Variants in SPART observed in about 807,000 individuals in gnomAD.
SPART encodes spartin, also known as spastic paraplegia 20 (Troyer syndrome).
Under a neutral mutation model 58.7 loss-of-function variants are expected in SPART, and 35 were observed. That is an observed-to-expected ratio of 0.60 (90% CI 0.46 to 0.79). The LOEUF is 0.79. SPART is among the 30% of genes least tolerant of loss of function. The pLI is 0.00. For synonymous variants in SPART, 284 were observed against 280.7 expected, an observed-to-expected ratio of 1.01 and a Z score of -0.12; for missense variants, 730 against 786.1, an observed-to-expected ratio of 0.93 and a Z score of 0.85.
chr13:36,322,908 T>A (rs1355381205), intron 5 of SPART, among the ~76,000 whole-genome samples: 1 of 152,196 alleles, frequency 6.6e-6, no homozygotes, highest in African/African-American at 2.4e-5. Context: ...ACTAGGCCAA[T>A]GGAGTCCCAG....
intron 3 of SPART, 62 bp from the exon 4 acceptor site, chr13:36,329,579 G>C (rs142213331): frequency 5.3e-6 from 8 of 1,497,862 alleles, no homozygotes; most frequent in Middle Eastern, 3.5e-4. Context: ...CTTTCTGCCA[G>C]CTATATTACA....
chr13:36,364,902 A>G (rs7333919), intron 1 of SPART, among the ~76,000 whole-genome samples: 124,854 of 152,092 alleles, frequency 0.82, 51,450 homozygotes, highest in African/African-American at 0.9. Flanking sequence ...CCCTTCATCC[A>G]TTCTCCACAC....
At chr13:36,324,601 T>C (rs942408893) in intron 5 of SPART, among the ~76,000 whole-genome samples, 2 of 152,152 alleles carry the variant, frequency 1.3e-5, no homozygotes, top group African/African-American at 4.8e-5. Context: ...CAGAAACAAA[T>C]GTTTGTTGTT....
intron 5 of SPART, chr13:36,326,026 T>C (rs887314301): frequency 6.5e-6 from 1 of 153,236 alleles, no homozygotes; most frequent in Non-Finnish European, 1.5e-5. Context: ...TCCTGGTTCA[T>C]AGAATGACAC....
chr13:36,315,526 T>C (rs1881602889), intron 5 of SPART, among the ~76,000 whole-genome samples: 1 of 152,190 alleles, frequency 6.6e-6, no homozygotes, highest in Non-Finnish European at 1.5e-5. Flanking sequence ...ATGTTAACAA[T>C]GAAAAGTGAC....
intron 5 of SPART, among the ~76,000 whole-genome samples, chr13:36,318,684 C>G (rs967682459): frequency 6.6e-6 from 1 of 152,214 alleles, no homozygotes; most frequent in African/African-American, 2.4e-5. Flanking sequence ...GCCAGGCGTT[C>G]CTCCAGAACC....
intron 8 of SPART, among the ~76,000 whole-genome samples, chr13:36,309,340 C>T (rs544824605): frequency 6.6e-6 from 1 of 151,876 alleles, no homozygotes; most frequent in Non-Finnish European, 1.5e-5. Flanking sequence ...CTAGTTCAGC[C>T]ACTTTTGGGA....
Position 36,341,306 on chromosome 13 carries a change from T to C in SPART, c.-3+4919A>G, listed in dbSNP as rs1250407933. 2.6e-5 allele frequency among the ~76,000 whole-genome samples: 4 copies of C among 152,360 alleles called. No homozygotes were observed. The South Asian group carries it at 8.3e-4, about 32-fold the overall frequency. On this transcript the variant is annotated intron_variant, in intron 1 of 8. Transcript: ENST00000438666. ...GCCACATATGTAATTTATACTTTTC[T>C]AATAACATTAAAAAGGTAAAAAACA...
rs745516122 is a variant in SPART, at chr13:36,335,276, TAC to T, written c.553_554del (p.Val185IlefsTer18). ...ACTCCCCAGAATCTGTTCCATAGGATACAGTGTAGTGACCTTCAGCAGCTTGA... is the reference window on the plus strand; with the variant it reads ...ACTCCCCAGAATCTGTTCCATAGGATAGTGTAGTGACCTTCAGCAGCTTGA... ...TPQAAEGHYT[V>X]SYGTDSGEFS... On this transcript the variant is annotated frameshift_variant, in exon 2 of 9. Transcript: ENST00000438666. LOFTEE classifies it high-confidence loss of function. 7 of 1,614,144 alleles carry T rather than the reference TAC, an allele frequency of 4.3e-6. No homozygotes were observed. The highest frequency in any genetic ancestry group is 5.1e-6 in the Non-Finnish European group (6 of 1,180,018).
At chr13:36,328,559 A>C (rs1234471242) in intron 4 of SPART, among the ~76,000 whole-genome samples, 1 of 152,324 alleles carries the variant, frequency 6.6e-6, no homozygotes, top group South Asian at 2.1e-4. Flanking sequence ...GCCACATTGG[A>C]TAGAAATGAT....
chr13:36,314,613 C>A lies in SPART; in HGVS notation c.1289-192G>T, dbSNP rs73169232. Among the ~76,000 whole-genome samples, 407 of 152,254 alleles carry A rather than the reference C, an allele frequency of 2.7e-3. 3 individuals are homozygous for A. The highest frequency in any genetic ancestry group is 9.3e-3 in the African/African-American group (385 of 41,534). ...CTGAATACTTAGTGACACAGTTCTG[C>A]GTTACTCTATGCTGCCACTACCTAG... On this transcript the variant is annotated intron_variant, in intron 5 of 8. Transcript: ENST00000438666.
chr13:36,312,916 C>T (rs1379597559), intron 6 of SPART, among the ~76,000 whole-genome samples: 1 of 151,022 alleles, frequency 6.6e-6, no homozygotes, highest in African/African-American at 2.4e-5. Context: ...CTTATTCCAG[C>T]TTAGCGTATT....
intron 5 of SPART, among the ~76,000 whole-genome samples, chr13:36,318,870 T>C (rs1367306488): frequency 6.6e-6 from 1 of 152,036 alleles, no homozygotes; most frequent in African/African-American, 2.4e-5. Context: ...GGCCCAAGGC[T>C]CTCTGACTGA....
intron 1 of SPART, among the ~76,000 whole-genome samples, chr13:36,367,895 C>T (rs576389906): frequency 6.6e-6 from 1 of 152,274 alleles, no homozygotes; most frequent in Non-Finnish European, 1.5e-5. Context: ...TTTTCCTAAG[C>T]TTTTAAAAAA....
At chr13:36,327,022 A>G (rs1411180032) in intron 4 of SPART, among the ~76,000 whole-genome samples, 1 of 152,162 alleles carries the variant, frequency 6.6e-6, no homozygotes, top group Admixed American at 6.5e-5. Context: ...TCATCCCTAG[A>G]TATTAGTGTG....
At chr13:36,336,124 TATA>T (rs1883984983) in intron 1 of SPART, among the ~76,000 whole-genome samples, 1 of 152,236 alleles carries the variant, frequency 6.6e-6, no homozygotes, top group Admixed American at 6.5e-5. Flanking sequence ...TCTGGTTTCT[TATA>T]ATAGTTTCCT....
In SPART at chr13:36,319,449, T is replaced by C. The variant is rs368277450; in HGVS notation, c.1289-5028A>G. ...AACGCCAATATCCCATCCCGCAGCA[T>C]GCTTTAAAAAGATTAAAGCCTGTTA... is the stretch of plus-strand genomic sequence containing the variant. On this transcript the variant is annotated intron_variant, in intron 5 of 8. Transcript: ENST00000438666. Among the ~76,000 whole-genome samples, 1,335 of 150,570 alleles carry C rather than the reference T, an allele frequency of 8.9e-3. 18 individuals carry two copies. Among genetic ancestry groups the C allele is most frequent in the African/African-American group, 0.03 (1,224 of 40,242 alleles).
intron 4 of SPART, among the ~76,000 whole-genome samples, chr13:36,328,260 C>T (rs1364402938): frequency 1.3e-5 from 2 of 152,120 alleles, no homozygotes; most frequent in Non-Finnish European, 2.9e-5. Context: ...ACGTGATATT[C>T]ATCAATTCCA....
At chr13:36,361,836 A>G (rs1270926940) in intron 1 of SPART, among the ~76,000 whole-genome samples, 1 of 152,236 alleles carries the variant, frequency 6.6e-6, no homozygotes, top group Non-Finnish European at 1.5e-5. Context: ...ACTGATGACT[A>G]TTGTAATCTC....
Sources: allele counts gnomAD v4.1 joint callset (sites outside exome capture counted in the v4.1 genomes callset), GRCh38; gene constraint gnomAD v4.1.1; transcripts MANE v1.5; gene names NCBI Gene and HGNC (gene_info 2026-07-23, HGNC 2026-07-21).